Variants in AGBL4 observed in about 807,000 individuals in gnomAD.
AGBL4 encodes cytosolic carboxypeptidase 6.
A neutral mutation model predicts 66.4 loss-of-function variants in AGBL4; 58 were observed. The ratio of observed to expected loss-of-function variants is 0.87; its 90% CI spans 0.71 to 1.09. AGBL4 has a LOEUF of 1.09. Among genes scored for constraint, AGBL4 ranks in the 50% least tolerant of loss-of-function variants. The probability of loss-of-function intolerance (pLI) is 0.00; values close to 1 mark genes in which losing one functional copy is unlikely to be tolerated. For synonymous variants in AGBL4, 234 were observed against 222.9 expected (o/e 1.05, Z -0.44); for missense variants, 579 against 631.0 (o/e 0.92, Z 0.88).
chr1:48,827,032 A>C (rs1646441426), intron 6 of AGBL4, among the ~76,000 whole-genome samples: 1 of 152,178 alleles, frequency 6.6e-6, no homozygotes, highest in Non-Finnish European at 1.5e-5. Flanking sequence ...ATCTCAAACA[A>C]GTCAAGATCT....
intron 6 of AGBL4, among the ~76,000 whole-genome samples, chr1:48,820,548 A>G (rs1646288253): frequency 6.6e-6 from 1 of 152,192 alleles, no homozygotes; most frequent in African/African-American, 2.4e-5. Context: ...AAAAGGCTAA[A>G]TAAGAGAATA....
intron 3 of AGBL4, among the ~76,000 whole-genome samples, chr1:49,275,206 A>G (rs1225869431): frequency 6.6e-6 from 1 of 152,198 alleles, no homozygotes; most frequent in African/African-American, 2.4e-5. Flanking sequence ...GAGCTAATAA[A>G]AAGCTCTTGA....
intron 4 of AGBL4, among the ~76,000 whole-genome samples, chr1:49,117,593 A>C (rs1292325209): frequency 6.6e-6 from 1 of 152,160 alleles, no homozygotes; most frequent in East Asian, 1.9e-4. Context: ...CTGTTTTGGT[A>C]CTACTACCAT....
At chr1:49,566,129 T>C (rs1363366425) in intron 3 of AGBL4, among the ~76,000 whole-genome samples, 2 of 152,220 alleles carry the variant, frequency 1.3e-5, no homozygotes, top group African/African-American at 4.8e-5. Flanking sequence ...ACGTAGTTCT[T>C]GTGCCATGGT....
At chr1:49,006,693 C>T (rs1661858615) in intron 5 of AGBL4, among the ~76,000 whole-genome samples, 1 of 150,644 alleles carries the variant, frequency 6.6e-6, no homozygotes, top group African/African-American at 2.4e-5. Context: ...AACGGGCAGA[C>T]TGCCTCCTCA....
chr1:49,031,603 T>C (rs1006648781), intron 5 of AGBL4, among the ~76,000 whole-genome samples: 1 of 152,054 alleles, frequency 6.6e-6, no homozygotes, highest in Non-Finnish European at 1.5e-5. Context: ...AGGATCTGAA[T>C]AGCCTTTCTT....
chr1:49,402,860 C>T (rs775904558), intron 3 of AGBL4, among the ~76,000 whole-genome samples: 169 of 152,304 alleles, frequency 1.1e-3, no homozygotes, highest in Non-Finnish European at 2.1e-3. Flanking sequence ...AGCCACTGCA[C>T]CCAGCCATCA....
intron 2 of AGBL4, among the ~76,000 whole-genome samples, chr1:49,703,839 T>A (rs1460034404): frequency 6.6e-6 from 1 of 151,898 alleles, no homozygotes; most frequent in African/African-American, 2.4e-5. Context: ...GAATAGAAAA[T>A]TGACAACATA....
chr1:49,551,418 G>T (rs1652944941), intron 3 of AGBL4, among the ~76,000 whole-genome samples: 1 of 152,088 alleles, frequency 6.6e-6, no homozygotes, highest in African/African-American at 2.4e-5. Flanking sequence ...CTTCTCATTT[G>T]GGTAGACTCT....
chr1:49,977,165 T>C (rs1188378823), intron 1 of AGBL4, among the ~76,000 whole-genome samples: 1 of 152,196 alleles, frequency 6.6e-6, no homozygotes, highest in African/African-American at 2.4e-5. Flanking sequence ...CCATCTTCCA[T>C]GAGCTTCACC....
chr1:49,750,819 T>C (rs1651397470), intron 2 of AGBL4, among the ~76,000 whole-genome samples: 2 of 152,064 alleles, frequency 1.3e-5, no homozygotes, highest in African/African-American at 4.8e-5. Flanking sequence ...CTTGAAGTTT[T>C]ATTCCTAGGT....
At chr1:48,948,019 G>A (rs771167044) in intron 5 of AGBL4, among the ~76,000 whole-genome samples, 3 of 151,960 alleles carry the variant, frequency 2.0e-5, no homozygotes, top group East Asian at 3.9e-4. Context: ...AGAAACATAC[G>A]TAGGTGAAAC....
At chr1:49,282,828 C>T (rs187344489) in intron 3 of AGBL4, among the ~76,000 whole-genome samples, 13 of 152,238 alleles carry the variant, frequency 8.5e-5, no homozygotes, top group Non-Finnish European at 1.2e-4. Flanking sequence ...TAAAAAACGG[C>T]GCACCAAGAG....
At chr1:49,406,983 T>A (rs1275762013) in intron 3 of AGBL4, among the ~76,000 whole-genome samples, 1 of 132,346 alleles carries the variant, frequency 7.6e-6, no homozygotes, top group Non-Finnish European at 1.5e-5. Context: ...GAGAATGGCG[T>A]AAACCCGGGA....
At position 48,653,362 on chromosome 1, in the gene AGBL4, C is replaced by G. The variant is rs759257152; in HGVS notation, c.814G>C (p.Asp272His). 1.9e-6 allele frequency: 3 copies of G among 1,582,684 alleles called. No individual in the cohort carries two copies. In the South Asian group the frequency reaches 3.5e-5, roughly 18 times the overall value. ...CTGTAATTGCCCAGGTAGACTCCAT[C>G]AGGATTGAGCATTGGTGCGATCTTG... ...VFKIAPMLNP[D>H]GVYLGNYRCS... is the part of the protein sequence containing the mutation. The change falls in exon 8 of 14, where the codon GAT (aspartate) becomes CAT (histidine). Residue 272 changes from aspartate to histidine, a missense_variant. Asp to His is a moderately conservative substitution (Grantham distance 81). Coordinates refer to ENST00000371839, the MANE Select transcript of AGBL4 (RefSeq NM_032785.4).
intron 3 of AGBL4, among the ~76,000 whole-genome samples, chr1:49,606,545 A>G (rs989758189): frequency 3.9e-5 from 6 of 152,138 alleles, no homozygotes; most frequent in Non-Finnish European, 8.8e-5. Context: ...AAGCTGTTTC[A>G]GTCTTGAAGA....
chr1:48,590,399 T>C (rs1569911820), intron 10 of AGBL4, among the ~76,000 whole-genome samples: 1 of 106,220 alleles, frequency 9.4e-6, no homozygotes, highest in Non-Finnish European at 1.8e-5. Flanking sequence ...AGAGTGAAAC[T>C]CAGTCTCAAA....
At chr1:49,579,015 G>T (rs989891009) in intron 3 of AGBL4, among the ~76,000 whole-genome samples, 9 of 152,142 alleles carry the variant, frequency 5.9e-5, no homozygotes, top group African/African-American at 1.9e-4. Flanking sequence ...AAAGCCGGCA[G>T]AAAAATGTGA....
chr1:49,269,367 A>G (rs890255151), intron 3 of AGBL4: 17 of 152,196 alleles, frequency 1.1e-4, no homozygotes, highest in Admixed American at 8.5e-4. Flanking sequence ...TTTATTTGAC[A>G]TATTTTGAGA....
Sources: gnomAD v4.1 joint callset for allele counts (sites outside exome capture counted in the v4.1 genomes callset) on GRCh38, gnomAD v4.1.1 for gene constraint, MANE v1.5 for transcripts, NCBI Gene and HGNC (gene_info 2026-07-23, HGNC 2026-07-21) for gene names.